Variants in LANCL1 observed in about 807,000 individuals in gnomAD.
LANCL1 encodes the protein glutathione S-transferase LANCL1.
In LANCL1, 50 loss-of-function variants were observed where a neutral mutation model predicts 50.6. That is an observed-to-expected ratio of 0.99 (90% CI 0.79 to 1.25). The LOEUF is 1.25. Ranked by LOEUF, LANCL1 falls within the 50% of genes most tolerant of loss-of-function variation. LANCL1 has a pLI of 0.00. For synonymous variants in LANCL1, 188 were observed against 178.6 expected, an observed-to-expected ratio of 1.05 and a Z score of -0.42; for missense variants, 532 against 480.7, an observed-to-expected ratio of 1.11 and a Z score of -1.00.
intron 5 of LANCL1, 118 bp from the exon 6 acceptor site, chr2:210,440,862 T>C: frequency 3.5e-6 from 3 of 856,666 alleles, no homozygotes; most frequent in Non-Finnish European, 5.3e-6. Flanking sequence ...CACCAGCTTA[T>C]AGCCAGGGAA....
At position 210,476,694 on chromosome 2, in the gene LANCL1, G is replaced by A; in HGVS notation, c.-91C>T. ...GAAGCAAGTGCGCCTCCCGCGTCCT[G>A]AAGCCCTTCTCGGCCCTGGCCTCTC... is the stretch of plus-strand genomic sequence containing the variant. On this transcript the variant is annotated 5_prime_UTR_variant, in exon 1 of 10. Coordinates refer to ENST00000450366, the MANE Select transcript of LANCL1 (RefSeq NM_006055.3). The A allele has an allele frequency of 1.7e-6, 2 of 1,195,576 alleles. No individual in the cohort carries two copies. Among genetic ancestry groups the A allele is most frequent in the East Asian group, 4.5e-5 (1 of 22,364 alleles). 74.1% of individuals were successfully genotyped at this position (1,195,576 alleles called of 1,614,324 possible).
chr2:210,447,211 G>C (rs557982090), intron 4 of LANCL1, among the ~76,000 whole-genome samples: 1 of 152,292 alleles, frequency 6.6e-6, no homozygotes, highest in African/African-American at 2.4e-5. Context: ...ATTCTTAAAA[G>C]AATTTTCAAC....
intron 4 of LANCL1, among the ~76,000 whole-genome samples, chr2:210,444,248 T>G (rs898939052): frequency 7.2e-5 from 11 of 152,168 alleles, no homozygotes; most frequent in African/African-American, 2.7e-4. Flanking sequence ...CTAACAATTG[T>G]TACCACCAGG....
chr2:210,453,361 G>A (rs567520980), intron 4 of LANCL1, among the ~76,000 whole-genome samples: 3 of 152,258 alleles, frequency 2.0e-5, no homozygotes, highest in Non-Finnish European at 4.4e-5. Context: ...GAAGAGGGTT[G>A]TATAGGTGAG....
chr2:210,444,832 A>G (rs999080174), intron 4 of LANCL1, among the ~76,000 whole-genome samples: 10 of 152,086 alleles, frequency 6.6e-5, no homozygotes, highest in Admixed American at 6.5e-4. Flanking sequence ...TTTGTTTTCT[A>G]CTTCGATACC....
At chr2:210,455,807 T>C (rs1406384851) in intron 3 of LANCL1, among the ~76,000 whole-genome samples, 2 of 147,264 alleles carry the variant, frequency 1.4e-5, no homozygotes, top group African/African-American at 5.2e-5. Context: ...TGTGTGTGTG[T>C]GTGTTTTTTT....
chr2:210,472,959 A>C (rs73071705), intron 2 of LANCL1, among the ~76,000 whole-genome samples: 2,230 of 152,292 alleles, frequency 0.015, 49 homozygotes, highest in African/African-American at 0.051. Flanking sequence ...GGTTAGTACC[A>C]CCCATATGAA....
intron 3 of LANCL1, among the ~76,000 whole-genome samples, chr2:210,461,785 T>C (rs6435571): frequency 0.99 from 149,883 of 151,720 alleles, 74,054 homozygotes; most frequent in East Asian, 1. Flanking sequence ...ATCATTTCCC[T>C]TAAGAATCGT....
intron 4 of LANCL1, among the ~76,000 whole-genome samples, chr2:210,446,400 A>G (rs549118056): frequency 6.6e-6 from 1 of 152,324 alleles, no homozygotes; most frequent in East Asian, 1.9e-4. Flanking sequence ...AGATGGGAGA[A>G]ACCAGTGCAA....
Position 210,476,714 on chromosome 2 carries a change from C to A in LANCL1, c.-111G>T. 1 of 1,146,078 alleles carries A rather than the reference C, an allele frequency of 8.7e-7. No individual in the cohort carries two copies. The highest frequency in any genetic ancestry group is 1.1e-6 in the Non-Finnish European group (1 of 929,108). The allele number at this position is 1,146,078 out of a possible 1,614,324, so 71.0% of individuals were successfully genotyped here. Reference sequence around the variant, plus strand: ...GTCCTGAAGCCCTTCTCGGCCCTGGCCTCTCACCCCGCAGCCCCGGACAGT... The same window carrying A: ...GTCCTGAAGCCCTTCTCGGCCCTGGACTCTCACCCCGCAGCCCCGGACAGT... On this transcript the variant is annotated 5_prime_UTR_variant, in exon 1 of 10. Coordinates refer to ENST00000450366, the MANE Select transcript of LANCL1 (RefSeq NM_006055.3).
intron 4 of LANCL1, among the ~76,000 whole-genome samples, chr2:210,452,502 C>T (rs1693541538): frequency 6.6e-6 from 1 of 152,162 alleles, no homozygotes; most frequent in African/African-American, 2.4e-5. Flanking sequence ...CCCCTCCACT[C>T]CCCAGCCATT....
intron 3 of LANCL1, among the ~76,000 whole-genome samples, chr2:210,457,663 T>C (rs1261983033): frequency 3.3e-5 from 5 of 152,302 alleles, no homozygotes; most frequent in Non-Finnish European, 5.9e-5. Flanking sequence ...ACACCAGTCC[T>C]CTGGTTTACT....
intron 3 of LANCL1, among the ~76,000 whole-genome samples, chr2:210,466,109 T>C (rs1694050485): frequency 6.6e-6 from 1 of 152,206 alleles, no homozygotes; most frequent in African/African-American, 2.4e-5. Flanking sequence ...GTTCCACCAA[T>C]GCTTTCTCCT....
chr2:210,466,708 C>T (rs1248807880), intron 3 of LANCL1, among the ~76,000 whole-genome samples: 1 of 152,150 alleles, frequency 6.6e-6, no homozygotes, highest in Non-Finnish European at 1.5e-5. Context: ...TCAGCTACTT[C>T]AGCATTTGGG....
At chr2:210,436,146 C>G in intron 8 of LANCL1, 70 bp downstream of exon 8, 1 of 1,379,614 alleles carries the variant, frequency 7.2e-7, no homozygotes, top group Non-Finnish European at 1.0e-6. Flanking sequence ...CTGCCTCAGC[C>G]TCCCAAAGTG....
intron 3 of LANCL1, among the ~76,000 whole-genome samples, chr2:210,460,096 C>A (rs1292057531): frequency 6.6e-6 from 1 of 152,198 alleles, no homozygotes; most frequent in Non-Finnish European, 1.5e-5. Flanking sequence ...TCCACAGATA[C>A]ATGAATCTCT....
Position 210,475,317 on chromosome 2 carries a change from C to A in LANCL1, c.81+999G>T, listed in dbSNP as rs114541336. 2.1e-3 allele frequency among the ~76,000 whole-genome samples: 313 copies of A among 152,208 alleles called. 1 individual carries two copies. The highest frequency in any genetic ancestry group is 7.2e-3 in the African/African-American group (297 of 41,534). ...CGTGTGCCTTGTTTCCAACTTAACTCATTTTCAAAACTAAATTTTATTTTT... is the reference window on the plus strand; with the variant it reads ...CGTGTGCCTTGTTTCCAACTTAACTAATTTTCAAAACTAAATTTTATTTTT... On this transcript the variant is annotated intron_variant, in intron 2 of 9. Transcript: ENST00000450366.
intron 3 of LANCL1, among the ~76,000 whole-genome samples, chr2:210,456,519 G>T (rs1432433295): frequency 6.6e-6 from 1 of 151,542 alleles, no homozygotes; most frequent in Non-Finnish European, 1.5e-5. Context: ...ACAAGCTGAT[G>T]ATCAGATGCA....
At chr2:210,454,461 A>G (rs1329351710) in intron 4 of LANCL1, among the ~76,000 whole-genome samples, 2 of 152,144 alleles carry the variant, frequency 1.3e-5, no homozygotes, top group African/African-American at 2.4e-5. Context: ...ATCAAACACC[A>G]TGGTCAACTC....
Sources: allele counts gnomAD v4.1 joint callset (sites outside exome capture counted in the v4.1 genomes callset), GRCh38; gene constraint gnomAD v4.1.1; transcripts MANE v1.5; gene names NCBI Gene and HGNC (gene_info 2026-07-23, HGNC 2026-07-21).